HDX: variants seen among roughly 807,000 people sequenced by gnomAD.
HDX encodes the protein highly divergent homeobox, also known as chromosome X open reading frame 43.
In HDX, 19 loss-of-function variants were observed where a neutral mutation model predicts 45.2. The ratio of observed to expected loss-of-function variants is 0.42; its 90% CI spans 0.29 to 0.62. HDX has a LOEUF of 0.62. Among genes scored for constraint, HDX ranks in the 20% least tolerant of loss-of-function variants. The pLI is 0.20. For missense variants in HDX, 532 were observed against 493.9 expected, an observed-to-expected ratio of 1.08 and a Z score of -0.73; for synonymous variants, 188 against 172.8, an observed-to-expected ratio of 1.09 and a Z score of -0.69.
At chrX:84,481,610 T>C (rs1294120997) in intron 2 of HDX, among the ~76,000 whole-genome samples, 3 of 112,060 alleles carry the variant, frequency 2.7e-5, no homozygotes, top group African/African-American at 9.7e-5. Flanking sequence ...CTGTTTTCCC[T>C]CTCTACAGGT....
intron 5 of HDX, among the ~76,000 whole-genome samples, chrX:84,372,799 A>T (rs1310930009): frequency 3.6e-5 from 4 of 111,591 alleles, no homozygotes; most frequent in Non-Finnish European, 7.5e-5. Context: ...TATCACAAAA[A>T]TTCAGAACTT....
At chrX:84,457,046 A>T (rs1453862387) in intron 4 of HDX, among the ~76,000 whole-genome samples, 3 of 111,582 alleles carry the variant, frequency 2.7e-5, no homozygotes, top group African/African-American at 9.7e-5. Context: ...TTTACAAATC[A>T]TTTCATCCAG....
Position 84,417,432 on chromosome X carries a change from A to T in HDX, c.1305+23100T>A, listed in dbSNP as rs770154403. On this transcript the variant is annotated intron_variant, in intron 5 of 10. Coordinates refer to ENST00000373177, the MANE Select transcript of HDX (RefSeq NM_001177479.2). Reference sequence around the variant, plus strand: ...AGAACAATTTATCTTTACCTGCATCAGCCTCTCCTTCATGCCTGCAAAGCT... The same window carrying T: ...AGAACAATTTATCTTTACCTGCATCTGCCTCTCCTTCATGCCTGCAAAGCT... 3.6e-5 allele frequency among the ~76,000 whole-genome samples: 4 copies of T among 112,262 alleles called. No homozygotes were observed. In the South Asian group the frequency reaches 1.5e-3, roughly 41 times the overall value.
intron 6 of HDX, among the ~76,000 whole-genome samples, chrX:84,355,269 C>G (rs2037454058): frequency 9.0e-6 from 1 of 110,620 alleles, no homozygotes; most frequent in Non-Finnish European, 1.9e-5. Context: ...TGCAAGGGTA[C>G]ACTTTAATGT....
intron 4 of HDX, among the ~76,000 whole-genome samples, chrX:84,459,576 G>A (rs1371572219): frequency 9.0e-6 from 1 of 111,305 alleles, no homozygotes; most frequent in Non-Finnish European, 1.9e-5. Flanking sequence ...AAAGCTGTAA[G>A]TGCCTACATT....
intron 2 of HDX, among the ~76,000 whole-genome samples, chrX:84,476,959 G>A (rs923934016): frequency 8.9e-6 from 1 of 112,097 alleles, no homozygotes. Context: ...ACTTTCTGAA[G>A]GGGATCTCAT....
chrX:84,451,226 C>T (rs2039989608), intron 4 of HDX, among the ~76,000 whole-genome samples: 1 of 110,323 alleles, frequency 9.1e-6, no homozygotes, highest in Non-Finnish European at 1.9e-5. Context: ...AAACTATCAA[C>T]AAAATGAAAA....
chrX:84,437,347 G>A (rs2039660314), intron 5 of HDX, among the ~76,000 whole-genome samples: 1 of 110,222 alleles, frequency 9.1e-6, no homozygotes, highest in African/African-American at 3.3e-5. Flanking sequence ...TGCCTAGTCT[G>A]GACTTGAACT....
intron 4 of HDX, among the ~76,000 whole-genome samples, chrX:84,450,975 A>T (rs1208145994): frequency 8.9e-6 from 1 of 112,047 alleles, no homozygotes; most frequent in Non-Finnish European, 1.9e-5. Flanking sequence ...AAAATTTTTT[A>T]AAAGTATTAA....
chrX:84,473,523 C>T (rs753580646), intron 3 of HDX, among the ~76,000 whole-genome samples: 195 of 111,063 alleles, frequency 1.8e-3, no homozygotes, highest in African/African-American at 6.2e-3. Context: ...TAACATGTAA[C>T]ATTTTACTGA....
intron 2 of HDX, among the ~76,000 whole-genome samples, chrX:84,487,568 A>G (rs1019396926): frequency 3.6e-5 from 4 of 111,971 alleles, no homozygotes; most frequent in African/African-American, 1.3e-4. Flanking sequence ...TGGTGGTTTC[A>G]ATGTCAATTC....
At chrX:84,420,944 G>T (rs2148011098) in intron 5 of HDX, among the ~76,000 whole-genome samples, 1 of 111,816 alleles carries the variant, frequency 8.9e-6, no homozygotes. Flanking sequence ...CAAACATGAG[G>T]GAGAAATAAA....
intron 1 of HDX, among the ~76,000 whole-genome samples, chrX:84,494,593 G>A (rs187922109): frequency 8.9e-6 from 1 of 111,930 alleles, no homozygotes; most frequent in Admixed American, 9.5e-5. Flanking sequence ...ACACCATCAA[G>A]TGGTAAGTAG....
chrX:84,418,337 T>G (rs1361207046), intron 5 of HDX, among the ~76,000 whole-genome samples: 1 of 111,537 alleles, frequency 9.0e-6, no homozygotes, highest in African/African-American at 3.3e-5. Flanking sequence ...AGAAAACAGA[T>G]AGACAACTGA....
intron 5 of HDX, among the ~76,000 whole-genome samples, chrX:84,401,006 A>G (rs1200497174): frequency 1.8e-5 from 2 of 112,267 alleles, no homozygotes; most frequent in Non-Finnish European, 3.8e-5. Flanking sequence ...CCATATGCAG[A>G]AAACTGAAAC....
chrX:84,414,603 G>A (rs189630054), intron 5 of HDX, among the ~76,000 whole-genome samples: 2,336 of 111,704 alleles, frequency 0.021, 28 homozygotes, highest in Non-Finnish European at 0.031. Flanking sequence ...TACTAAATAA[G>A]GGCTGTAGAC....
intron 8 of HDX, among the ~76,000 whole-genome samples, chrX:84,336,235 A>C (rs2036957494): frequency 9.0e-6 from 1 of 111,376 alleles, no homozygotes; most frequent in Admixed American, 9.6e-5. Context: ...TTTACTCCAC[A>C]CACAACCTGC....
At chrX:84,408,293 T>C (rs1271831419) in intron 5 of HDX, among the ~76,000 whole-genome samples, 1 of 111,144 alleles carries the variant, frequency 9.0e-6, no homozygotes, top group East Asian at 2.8e-4. Flanking sequence ...ATTTATTAAA[T>C]AGAGAGTCCT....
chrX:84,335,171 C>T lies in HDX; in HGVS notation c.1741-1329G>A, dbSNP rs183877024. Among the ~76,000 whole-genome samples, 3 of 110,542 alleles carry T rather than the reference C, an allele frequency of 2.7e-5. No homozygotes were observed. The East Asian group carries it at 8.6e-4, about 32-fold the overall frequency. On this transcript the variant is annotated intron_variant, in intron 8 of 10. Transcript: ENST00000373177. ...TCTAATCTCTATAAAATTGGGGCTT[C>T]ATCATGCCAGCTCTTCCAAGACCTC...
Sources: allele counts gnomAD v4.1 joint callset (sites outside exome capture counted in the v4.1 genomes callset), GRCh38; gene constraint gnomAD v4.1.1; transcripts MANE v1.5; gene names NCBI Gene and HGNC (gene_info 2026-07-23, HGNC 2026-07-21).